NSD3: variants seen among roughly 807,000 people sequenced by gnomAD.
NSD3 encodes the protein histone-lysine N-methyltransferase NSD3.
Under a neutral mutation model 160.8 loss-of-function variants are expected in NSD3, and 24 were observed. The ratio of observed to expected loss-of-function variants is 0.15; its 90% CI spans 0.11 to 0.21. NSD3 has a LOEUF of 0.21. NSD3 is among the 10% of genes least tolerant of loss of function. NSD3 has a pLI of 1.00. For synonymous variants in NSD3, 520 were observed against 600.0 expected (o/e 0.87, Z 1.95); for missense variants, 1,157 against 1,735.9 (o/e 0.67, Z 5.93).
At chr8:38,380,249 G>A (rs1335264117) in intron 1 of NSD3, among the ~76,000 whole-genome samples, 1 of 152,138 alleles carries the variant, frequency 6.6e-6, no homozygotes, top group African/African-American at 2.4e-5. Flanking sequence ...TCACCTATAA[G>A]CAAGAGCTAT....
At chr8:38,302,252 G>A (rs1468384441) in intron 14 of NSD3, among the ~76,000 whole-genome samples, 1 of 152,186 alleles carries the variant, frequency 6.6e-6, no homozygotes, top group Non-Finnish European at 1.5e-5. Flanking sequence ...TGACTAAAGT[G>A]CTCCTTTCTG....
intron 7 of NSD3, among the ~76,000 whole-genome samples, chr8:38,324,689 A>T (rs1293099914): frequency 6.6e-6 from 1 of 152,174 alleles, no homozygotes; most frequent in Non-Finnish European, 1.5e-5. Flanking sequence ...CTAAAGAGGC[A>T]ACTCTTGGTG....
At chr8:38,279,336 G>A (rs1375342554) in intron 21 of NSD3, among the ~76,000 whole-genome samples, 2 of 152,176 alleles carry the variant, frequency 1.3e-5, no homozygotes, top group African/African-American at 4.8e-5. Context: ...TCCCTTTTGA[G>A]GTTATAGATT....
chr8:38,293,088 A>G (rs1027344162), intron 16 of NSD3, among the ~76,000 whole-genome samples: 2 of 150,500 alleles, frequency 1.3e-5, no homozygotes, highest in African/African-American at 4.9e-5. Flanking sequence ...CAGTGAGCCG[A>G]GATCGTGCCA....
At chr8:38,335,649 C>G (rs964182987) in intron 4 of NSD3, among the ~76,000 whole-genome samples, 1 of 152,166 alleles carries the variant, frequency 6.6e-6, no homozygotes, top group Admixed American at 6.5e-5. Flanking sequence ...TAGTCCAATA[C>G]CCTTCTTATA....
At chr8:38,305,580 A>C in intron 12 of NSD3, 135 bp from the exon 13 acceptor site, 1 of 726,218 alleles carries the variant, frequency 1.4e-6, no homozygotes, top group East Asian at 3.0e-5. Context: ...GCACAAAAAA[A>C]ATTTAAAATA....
rs142056419 is a variant in NSD3, at chr8:38,370,927, T to C, written c.-45+10872A>G. Among the ~76,000 whole-genome samples, 5 of 152,252 alleles carry C rather than the reference T, an allele frequency of 3.3e-5. No homozygotes were observed. In the East Asian group the frequency reaches 7.7e-4, roughly 23 times the overall value. On this transcript the variant is annotated intron_variant, in intron 1 of 23. Coordinates refer to ENST00000317025, the MANE Select transcript of NSD3 (RefSeq NM_023034.2). ...TTCTACTTCTAGGAATTTATTGTAA[T>C]GAAATAATCAGCCATATAATTTTTT... is the stretch of plus-strand genomic sequence containing the variant.
chr8:38,346,800 G>C (rs1810549342), intron 2 of NSD3, among the ~76,000 whole-genome samples: 1 of 152,094 alleles, frequency 6.6e-6, no homozygotes, highest in South Asian at 2.1e-4. Flanking sequence ...ACATATAAAA[G>C]CAGATAGCTG....
At chr8:38,280,658 G>A (rs1484923663) in intron 20 of NSD3, among the ~76,000 whole-genome samples, 1 of 152,028 alleles carries the variant, frequency 6.6e-6, no homozygotes, top group Non-Finnish European at 1.5e-5. Flanking sequence ...AATTAACTGA[G>A]ATAATGGATG....
chr8:38,357,429 T>C (rs1409136960), intron 1 of NSD3, among the ~76,000 whole-genome samples: 1 of 152,192 alleles, frequency 6.6e-6, no homozygotes, highest in Non-Finnish European at 1.5e-5. Context: ...TCTAGTAATA[T>C]AAAATCACTG....
At chr8:38,371,205 T>C (rs1811237132) in intron 1 of NSD3, among the ~76,000 whole-genome samples, 1 of 152,012 alleles carries the variant, frequency 6.6e-6, no homozygotes, top group African/African-American at 2.4e-5. Flanking sequence ...TAGAACAAAA[T>C]ATTAATAGTA....
At chr8:38,362,193 T>C (rs555410284) in intron 1 of NSD3, among the ~76,000 whole-genome samples, 34 of 127,610 alleles carry the variant, frequency 2.7e-4, no homozygotes, top group Admixed American at 1.6e-3. Flanking sequence ...GAGCCAACTA[T>C]AGTGCCTGGC....
chr8:38,378,085 A>AT (rs1811438155), intron 1 of NSD3, among the ~76,000 whole-genome samples: 1 of 152,140 alleles, frequency 6.6e-6, no homozygotes, highest in African/African-American at 2.4e-5. Context: ...TGCTAACTTT[A>AT]TTTTTTTAAC....
chr8:38,372,377 A>G (rs540110853), intron 1 of NSD3, among the ~76,000 whole-genome samples: 3 of 152,138 alleles, frequency 2.0e-5, no homozygotes, highest in Non-Finnish European at 4.4e-5. Flanking sequence ...CTGACAATAA[A>G]TGTTAGAAAG....
chr8:38,347,426 CA>C (rs1478587906), intron 2 of NSD3, 70 bp downstream of exon 2: 8 of 1,498,140 alleles, frequency 5.3e-6, no homozygotes, highest in Non-Finnish European at 7.1e-6. Context: ...AGATAAAAAC[CA>C]AAAAGATCTC....
In NSD3 at chr8:38,270,261, A is replaced by T. The variant is rs778899922; in HGVS notation, c.*5380T>A. On this transcript the variant is annotated 3_prime_UTR_variant, in exon 24 of 24. Coordinates refer to ENST00000317025, the MANE Select transcript of NSD3 (RefSeq NM_023034.2). ...TTTAGGCAAAGTAATGGTTCACAGG[A>T]TCTACAAAGTTTATTACAGATAAAG... 14 of 152,210 alleles carry T rather than the reference A, an allele frequency of 9.2e-5. No homozygotes were observed. The highest frequency in any genetic ancestry group is 1.8e-4 in the Non-Finnish European group (12 of 68,032). The allele number at this position is 152,210 out of a possible 1,614,324, so 9.4% of individuals were successfully genotyped here.
chr8:38,367,459 C>A (rs1312734590), intron 1 of NSD3, among the ~76,000 whole-genome samples: 1 of 152,086 alleles, frequency 6.6e-6, no homozygotes, highest in Non-Finnish European at 1.5e-5. Context: ...TGCCTATAAT[C>A]CCAGCACTTT....
intron 4 of NSD3, among the ~76,000 whole-genome samples, chr8:38,334,408 T>C (rs898254547): frequency 2.0e-5 from 3 of 152,206 alleles, no homozygotes; most frequent in African/African-American, 7.2e-5. Flanking sequence ...GTGGTGATGG[T>C]TGCACAACTC....
At chr8:38,374,107 C>A (rs1000892131) in intron 1 of NSD3, among the ~76,000 whole-genome samples, 1 of 151,156 alleles carries the variant, frequency 6.6e-6, no homozygotes, top group Non-Finnish European at 1.5e-5. Flanking sequence ...AGAGGAAGAC[C>A]CTGTCTCAAA....
Sources: allele counts gnomAD v4.1 joint callset (sites outside exome capture counted in the v4.1 genomes callset), GRCh38; gene constraint gnomAD v4.1.1; transcripts MANE v1.5; gene names NCBI Gene and HGNC (gene_info 2026-07-23, HGNC 2026-07-21).